Variants in WWOX observed in about 807,000 individuals in gnomAD.
The protein encoded by WWOX is WW domain containing oxidoreductase.
WWOX carries 69 observed loss-of-function variants against 46.2 expected under a neutral mutation model. That is an observed-to-expected ratio of 1.49 (90% CI 1.23 to 1.82). The LOEUF is 1.82. Ranked by LOEUF, WWOX falls within the 40% of genes most tolerant of loss-of-function variation. The probability of loss-of-function intolerance (pLI) is 0.00; values close to 1 mark genes in which losing one functional copy is unlikely to be tolerated. For synonymous variants in WWOX, 359 were observed against 202.6 expected (o/e 1.77, Z -6.56); for missense variants, 919 against 542.6 (o/e 1.69, Z -6.89).
intron 8 of WWOX, among the ~76,000 whole-genome samples, chr16:78,765,770 C>T (rs960106646): frequency 3.9e-5 from 6 of 152,174 alleles, no homozygotes; most frequent in African/African-American, 1.4e-4. Context: ...GGAGAGAAAA[C>T]AGAGGCAAAA....
At chr16:78,423,084 A>G (rs375411945) in intron 6 of WWOX, among the ~76,000 whole-genome samples, 16 of 151,720 alleles carry the variant, frequency 1.1e-4, no homozygotes, top group East Asian at 9.8e-4. Context: ...TGGGGGTTTC[A>G]CCATGTTGGT....
chr16:78,359,104 C>T lies in WWOX; in HGVS notation c.517-27756C>T, dbSNP rs965242919. Among the ~76,000 whole-genome samples the T allele has an allele frequency of 4.6e-5, 7 of 152,046 alleles. No individual in the cohort carries two copies. The East Asian group carries it at 1.4e-3, about 29-fold the overall frequency. ...TAGATAATGCTTGAGAAAGCTTCTT[C>T]CCATATATACTCTTTCTGTAGCAGT... On this transcript the variant is annotated intron_variant, in intron 5 of 8. Transcript: ENST00000566780.
chr16:78,564,320 T>C (rs547234575), intron 8 of WWOX, among the ~76,000 whole-genome samples: 1 of 152,224 alleles, frequency 6.6e-6, no homozygotes, highest in African/African-American at 2.4e-5. Context: ...GCCCTTTTCC[T>C]CAGCTGTAGG....
At chr16:78,658,034 C>A (rs903380863) in intron 8 of WWOX, among the ~76,000 whole-genome samples, 1 of 152,012 alleles carries the variant, frequency 6.6e-6, no homozygotes, top group Non-Finnish European at 1.5e-5. Flanking sequence ...ACATTTTAGG[C>A]CAGGAGATTC....
intron 8 of WWOX, among the ~76,000 whole-genome samples, chr16:79,057,027 A>G (rs935155323): frequency 5.3e-5 from 8 of 152,218 alleles, no homozygotes; most frequent in East Asian, 1.9e-4. Flanking sequence ...AAGGAAAAAT[A>G]TGAAGGAGTT....
intron 8 of WWOX, among the ~76,000 whole-genome samples, chr16:78,794,115 GAAGA>G (rs1286987144): frequency 6.6e-6 from 1 of 152,110 alleles, no homozygotes; most frequent in Non-Finnish European, 1.5e-5. Context: ...ATTTGGACAT[GAAGA>G]CAGAGCCTGC....
At chr16:78,360,475 C>G (rs1222475944) in intron 5 of WWOX, among the ~76,000 whole-genome samples, 1 of 151,590 alleles carries the variant, frequency 6.6e-6, no homozygotes, top group South Asian at 2.1e-4. Context: ...ATCCCAGATA[C>G]TTGGGAGGCT....
At chr16:79,145,507 A>T (rs8045284) in intron 8 of WWOX, among the ~76,000 whole-genome samples, 1 of 152,008 alleles carries the variant, frequency 6.6e-6, no homozygotes, top group Non-Finnish European at 1.5e-5. Context: ...CAGCCCACAA[A>T]TATTATTCCA....
At chr16:78,882,630 G>T (rs56011281) in intron 8 of WWOX, among the ~76,000 whole-genome samples, 28,490 of 151,504 alleles carry the variant, frequency 0.19, 3,370 homozygotes, top group Non-Finnish European at 0.26. Context: ...TGGGATTACA[G>T]GTATGTGCTA....
At chr16:78,746,365 G>A (rs1050041782) in intron 8 of WWOX, among the ~76,000 whole-genome samples, 1 of 152,120 alleles carries the variant, frequency 6.6e-6, no homozygotes, top group African/African-American at 2.4e-5. Flanking sequence ...GGGAATGATG[G>A]TGCATGCCTG....
chr16:78,283,380 C>T (rs1356033762), intron 5 of WWOX, among the ~76,000 whole-genome samples: 1 of 152,184 alleles, frequency 6.6e-6, no homozygotes, highest in African/African-American at 2.4e-5. Flanking sequence ...CCGCCCTCGG[C>T]CTCATACCTG....
chr16:79,021,891 C>A (rs1206552266), intron 8 of WWOX, among the ~76,000 whole-genome samples: 2 of 152,140 alleles, frequency 1.3e-5, no homozygotes, highest in Non-Finnish European at 2.9e-5. Flanking sequence ...TTTTCTGGAG[C>A]CAGGATGAGC....
At chr16:79,018,828 A>G (rs534221375) in intron 8 of WWOX, among the ~76,000 whole-genome samples, 13 of 152,112 alleles carry the variant, frequency 8.5e-5, no homozygotes, top group Admixed American at 8.5e-4. Context: ...ATGATTCATT[A>G]TGCAAATAAT....
chr16:78,427,689 G>T (rs1464859463), intron 7 of WWOX, among the ~76,000 whole-genome samples: 1 of 152,052 alleles, frequency 6.6e-6, no homozygotes, highest in Admixed American at 6.6e-5. Flanking sequence ...GAGGTGGGAG[G>T]ATGGCTTGAG....
rs935327218 is a variant in WWOX, at chr16:78,497,940, C to T, written c.1056+65188C>T. ...TCAGGGGGCTGGGAGCAGTAGCTCA[C>T]GCCTGTAATGACAGCACTTTGGGAG... On this transcript the variant is annotated intron_variant, in intron 8 of 8. Transcript: ENST00000566780. Among the ~76,000 whole-genome samples, 9 of 151,972 alleles carry T rather than the reference C, an allele frequency of 5.9e-5. No individual in the cohort carries two copies. In the South Asian group the frequency reaches 1.7e-3, roughly 28 times the overall value.
intron 8 of WWOX, among the ~76,000 whole-genome samples, chr16:78,698,055 C>T (rs1235459749): frequency 6.6e-6 from 1 of 152,194 alleles, no homozygotes; most frequent in Non-Finnish European, 1.5e-5. Flanking sequence ...ATAAATGCTA[C>T]TTAAAATGAT....
intron 8 of WWOX, among the ~76,000 whole-genome samples, chr16:79,091,780 T>G (rs1363076468): frequency 5.4e-5 from 3 of 55,058 alleles, no homozygotes; most frequent in Non-Finnish European, 9.6e-5. Flanking sequence ...CTTTTCTTTG[T>G]TTTTTTTTTT....
intron 8 of WWOX, among the ~76,000 whole-genome samples, chr16:78,599,646 C>A (rs2045574467): frequency 6.6e-6 from 1 of 152,178 alleles, no homozygotes; most frequent in South Asian, 2.1e-4. Context: ...ACATTTGCTC[C>A]CGAGTCTCAG....
chr16:78,882,475 CTT>C (rs59829665), intron 8 of WWOX, among the ~76,000 whole-genome samples: 88 of 144,724 alleles, frequency 6.1e-4, no homozygotes, highest in Admixed American at 1.7e-3. Context: ...CACCATACAT[CTT>C]TTTTTTTTTT....
Sources: gnomAD v4.1 joint callset for allele counts (sites outside exome capture counted in the v4.1 genomes callset) on GRCh38, gnomAD v4.1.1 for gene constraint, MANE v1.5 for transcripts, NCBI Gene and HGNC (gene_info 2026-07-23, HGNC 2026-07-21) for gene names.